Variants in LONP1 observed in about 807,000 individuals in gnomAD.
LONP1 encodes lon peptidase 1, mitochondrial.
A neutral mutation model predicts 98.5 loss-of-function variants in LONP1; 31 were observed. That is an observed-to-expected ratio of 0.31 (90% CI 0.24 to 0.42). LONP1 has a LOEUF of 0.42. Among genes scored for constraint, LONP1 ranks in the 20% least tolerant of loss-of-function variants. LONP1 has a pLI of 1.00. For synonymous variants in LONP1, 781 were observed against 594.7 expected (o/e 1.31, Z -4.56); for missense variants, 1,336 against 1,350.6 (o/e 0.99, Z 0.17).
chr19:5,701,756 G>C (rs986253465), intron 8 of LONP1, among the ~76,000 whole-genome samples: 1 of 151,662 alleles, frequency 6.6e-6, no homozygotes, highest in African/African-American at 2.4e-5. Flanking sequence ...CCGCCACCCT[G>C]TCTGGGAAGT....
At chr19:5,702,651 CTT>C (rs1292925271) in intron 8 of LONP1, among the ~76,000 whole-genome samples, 3 of 152,208 alleles carry the variant, frequency 2.0e-5, no homozygotes, top group Admixed American at 6.5e-5. Context: ...ACATGAGAGA[CTT>C]TTCATTTTGT....
Position 5,719,996 on chromosome 19 carries a change from C to T in LONP1, c.137G>A (p.Cys46Tyr). The T allele has an allele frequency of 6.3e-7, 1 of 1,580,486 alleles. No individual in the cohort carries two copies. Among genetic ancestry groups the T allele is most frequent in the East Asian group, 2.3e-5 (1 of 42,660 alleles). Residue 46 changes from cysteine to tyrosine, a missense_variant, in exon 1 of 18, where the codon TGC (cysteine) becomes TAC (tyrosine). Physicochemically the swap from Cys to Tyr is radical, Grantham distance 194 (BLOSUM62 -2). Around this residue, in one of 5 missense-constraint regions of LONP1, gnomAD observed 457 missense variants for 403.1 expected, o/e 1.13. Coordinates refer to ENST00000360614, the MANE Select transcript of LONP1 (RefSeq NM_004793.4). The part of the protein sequence containing the change: ...GAWLLRGQRT[C>Y]DASPPWALWG... The stretch of plus-strand genomic sequence containing the variant: ...CAGTGCCCAAGGAGGAGAGGCGTCG[C>T]AGGTCCGCTGGCCTCGGAGCAACCA...
chr19:5,720,326 CTT>C (rs1002635682), upstream of LONP1: 5 of 829,898 alleles, frequency 6.0e-6, no homozygotes, highest in African/African-American at 7.3e-5. Context: ...CGGTCTCCCA[CTT>C]TATGCGCTGA....
At chr19:5,704,932 G>A (rs1235202860) in intron 8 of LONP1, among the ~76,000 whole-genome samples, 2 of 151,742 alleles carry the variant, frequency 1.3e-5, no homozygotes, top group African/African-American at 4.8e-5. Context: ...AGGGCAAGGT[G>A]GGCGGATCCC....
intron 10 of LONP1, among the ~76,000 whole-genome samples, chr19:5,698,008 C>T (rs939758910): frequency 7.0e-6 from 1 of 142,940 alleles, no homozygotes. Context: ...CCCAGCTGCT[C>T]CTTCCTGCTC....
chr19:5,692,692 C>A (rs575547847), intron 17 of LONP1, among the ~76,000 whole-genome samples: 1 of 152,186 alleles, frequency 6.6e-6, no homozygotes, highest in Non-Finnish European at 1.5e-5. Context: ...CCACTGTCAC[C>A]GCACACTGAC....
rs374023976 is a variant in LONP1 at position 5,696,673 on chromosome 19, G to A, written c.1770C>T (p.Asp590=). The A allele has an allele frequency of 4.2e-5, 67 of 1,607,588 alleles. 1 individual carries two copies. Among genetic ancestry groups the A allele is most frequent in the South Asian group, 2.4e-4 (22 of 90,882 alleles). The part of the protein sequence containing the change: ...TKTENPLILI[D]EVDKIGRGYQ... ...CTCCGGGCCTCTCCGCACGCACCTC[G>A]TCGATGAGGATCAGGGGGTTCTCCG... is the stretch of plus-strand genomic sequence containing the variant. Residue 590 remains aspartate, a synonymous_variant, in exon 11 of 18, where the codon GAC becomes GAT. Transcript: ENST00000360614.
intron 15 of LONP1, 48 bp from the exon 16 acceptor site, chr19:5,693,817 C>A: frequency 6.6e-7 from 1 of 1,517,118 alleles, no homozygotes; most frequent in South Asian, 1.1e-5. Context: ...GGAGCCCAGG[C>A]CGGTGCTCAC....
In LONP1 at chr19:5,696,187, G is replaced by C; in HGVS notation, c.1897-17C>G. The C allele has an allele frequency of 1.2e-6, 2 of 1,612,854 alleles. No homozygotes were observed. The highest frequency in any genetic ancestry group is 4.5e-5 in the East Asian group (2 of 44,872). ...GAACAGCACCTGGGGGCGGCGGCAA[G>C]GTGCTGGGGGACTGGCCGCTTACCC... On this transcript the variant is annotated splice_polypyrimidine_tract_variant and intron_variant, in intron 12 of 17. Transcript: ENST00000360614.
chr19:5,708,273 T>A, intron 5 of LONP1, 69 bp downstream of exon 5: 1 of 1,496,942 alleles, frequency 6.7e-7, no homozygotes, highest in East Asian at 2.3e-5. Context: ...GGAAGCCCCC[T>A]ACCCACCCAG....
intron 13 of LONP1, among the ~76,000 whole-genome samples, chr19:5,695,658 A>C (rs911992540): frequency 2.0e-5 from 3 of 151,874 alleles, no homozygotes; most frequent in African/African-American, 7.3e-5. Flanking sequence ...GGGCCCCTGC[A>C]TGCTCCTCAC....
At chr19:5,710,980 C>T (rs532805464) in intron 4 of LONP1, among the ~76,000 whole-genome samples, 1 of 151,798 alleles carries the variant, frequency 6.6e-6, no homozygotes, top group Non-Finnish European at 1.5e-5. Flanking sequence ...GAGCTGAGAT[C>T]GTTCCATTGC....
intron 5 of LONP1, 67 bp downstream of exon 5, chr19:5,708,275 C>T: frequency 2.0e-6 from 3 of 1,508,556 alleles, no homozygotes; most frequent in South Asian, 2.3e-5. Context: ...AAGCCCCCTA[C>T]CCACCCAGCT....
chr19:5,704,266 CG>C (rs2055107830), intron 8 of LONP1, among the ~76,000 whole-genome samples: 1 of 152,162 alleles, frequency 6.6e-6, no homozygotes, highest in African/African-American at 2.4e-5. Context: ...CTGGGAGGGA[CG>C]GGCCCGGCCC....
chr19:5,710,251 AT>A lies in LONP1; in HGVS notation c.870+1519del, dbSNP rs968637704. 8.0e-3 allele frequency among the ~76,000 whole-genome samples: 1,207 copies of A among 150,546 alleles called. 10 individuals carry two copies. The highest frequency in any genetic ancestry group is 0.027 in the African/African-American group (1,119 of 41,054). ...AGGCATAAGCCACCACACCTGGCTA[AT>A]TTTTTTTTGTATTTTTAGTAGACAC... On this transcript the variant is annotated intron_variant, in intron 4 of 17. Coordinates refer to ENST00000360614, the MANE Select transcript of LONP1 (RefSeq NM_004793.4).
At chr19:5,699,430 T>C (rs1022309494) in intron 9 of LONP1, among the ~76,000 whole-genome samples, 3 of 152,086 alleles carry the variant, frequency 2.0e-5, no homozygotes, top group Non-Finnish European at 4.4e-5. Flanking sequence ...AACTAGGTGC[T>C]AGGAGACCGC....
chr19:5,720,245 C>T (rs912290729), upstream of LONP1: 19 of 1,350,432 alleles, frequency 1.4e-5, no homozygotes, highest in Non-Finnish European at 1.8e-5. Flanking sequence ...TCGAAACAGC[C>T]GCTTCAGGGA....
intron 1 of LONP1, among the ~76,000 whole-genome samples, chr19:5,716,739 G>A (rs2055330619): frequency 6.6e-6 from 1 of 152,142 alleles, no homozygotes; most frequent in African/African-American, 2.4e-5. Context: ...TCTGAAGAAA[G>A]GGTGCTCCTC....
At chr19:5,710,727 G>C (rs2055223249) in intron 4 of LONP1, among the ~76,000 whole-genome samples, 1 of 152,042 alleles carries the variant, frequency 6.6e-6, no homozygotes, top group Non-Finnish European at 1.5e-5. Context: ...TACTTCAAGT[G>C]CTCAATACTC....
Sources: allele counts gnomAD v4.1 joint callset (sites outside exome capture counted in the v4.1 genomes callset), GRCh38; gene constraint gnomAD v4.1.1; regional missense constraint gnomAD v4.1.1; transcripts MANE v1.5; gene names NCBI Gene and HGNC (gene_info 2026-07-23, HGNC 2026-07-21).